The following FRS3 variants were observed in gnomAD, a reference collection of about 807,000 sequenced individuals.
FRS3 encodes the protein fibroblast growth factor receptor substrate 3.
In FRS3, 17 loss-of-function variants were observed where a neutral mutation model predicts 41.9. The observed-to-expected ratio is 0.41, with a 90% CI of 0.28 to 0.61. The LOEUF is 0.61. FRS3 is among the 20% of genes least tolerant of loss of function. The pLI is 0.36. For synonymous variants in FRS3, 287 were observed against 274.5 expected (o/e 1.05, Z -0.45); for missense variants, 619 against 672.1 (o/e 0.92, Z 0.87).
chr6:41,777,219 A>T (rs1436296603), intron 2 of FRS3, among the ~76,000 whole-genome samples: 1 of 152,246 alleles, frequency 6.6e-6, no homozygotes, highest in Admixed American at 6.5e-5. Context: ...TGTGTTAAGG[A>T]TGAATGCCGA....
chr6:41,771,066 C>G lies in FRS3; in HGVS notation c.1032G>C (p.Gly344=), dbSNP rs1289169521. The change falls in exon 7 of 7, where the codon GGG becomes GGC. Residue 344 remains glycine, a synonymous_variant. Transcript: ENST00000373018. ...SQAQQLGGEA[G]DDGDSRDGLT... ...GCCCATCCCTCGAGTCCCCATCATC[C>G]CCAGCCTCCCCTCCCAGCTGCTGGG... 2 of 1,603,868 alleles carry G rather than the reference C, an allele frequency of 1.2e-6. No homozygotes were observed. The highest frequency in any genetic ancestry group is 2.2e-5 in the South Asian group (2 of 90,382).
intron 6 of FRS3, 34 bp from the exon 7 acceptor site, chr6:41,771,567 C>A: frequency 6.8e-7 from 1 of 1,474,506 alleles, no homozygotes; most frequent in Non-Finnish European, 9.1e-7. Flanking sequence ...CAGGAGTGTC[C>A]CAGGGCAGGG....
intron 5 of FRS3, 31 bp downstream of exon 5, chr6:41,772,767 T>TGTGC: frequency 6.4e-7 from 1 of 1,566,748 alleles, no homozygotes; most frequent in Non-Finnish European, 8.7e-7. Flanking sequence ...TGTGTGTGTG[T>TGTGC]GTGTGTGTGT....
chr6:41,775,053 C>G (rs1053611967), intron 4 of FRS3, among the ~76,000 whole-genome samples: 5 of 152,190 alleles, frequency 3.3e-5, no homozygotes, highest in Non-Finnish European at 7.3e-5. Context: ...AACATGACCT[C>G]GGAGGCTCAC....
chr6:41,773,919 G>A (rs750857996), intron 4 of FRS3, among the ~76,000 whole-genome samples: 8 of 151,984 alleles, frequency 5.3e-5, no homozygotes, highest in Non-Finnish European at 1.5e-5. Flanking sequence ...AAAAGCCAAG[G>A]TGGAAAGGAT....
intron 3 of FRS3, chr6:41,776,635 G>T (rs9462744): frequency 6.9e-6 from 2 of 288,140 alleles, no homozygotes; most frequent in Non-Finnish European, 1.3e-5. Context: ...AAAAAAAAAA[G>T]GGGGGGGGAT....
Position 41,772,949 on chromosome 6 carries a change from T to C in FRS3, c.264A>G (p.Ala88=). ...TTTCCTCAGCCCGGGAACACTTAAA[T>C]GCAAATATTCCTGGAGAAGGAGAGG... is the stretch of plus-strand genomic sequence containing the variant. ...RRCQTGQGIF[A]FKCSRAEEIF... is the part of the protein sequence containing the mutation. The change falls in exon 5 of 7, where the codon GCA becomes GCG. Residue 88 remains alanine (A), a synonymous_variant. Transcript: ENST00000373018. 2 of 1,613,904 alleles carry C rather than the reference T, an allele frequency of 1.2e-6. No homozygotes were observed. Among genetic ancestry groups the C allele is most frequent in the Non-Finnish European group, 1.7e-6 (2 of 1,179,924 alleles).
intron 4 of FRS3, 74 bp from the exon 5 acceptor site, chr6:41,773,033 C>T: frequency 7.9e-7 from 1 of 1,260,130 alleles, no homozygotes; most frequent in Non-Finnish European, 1.2e-6. Context: ...GCACAATGTG[C>T]AGGAAATGTC....
chr6:41,772,107 C>A, intron 5 of FRS3, 143 bp from the exon 6 acceptor site: 1 of 629,790 alleles, frequency 1.6e-6, no homozygotes, highest in Non-Finnish European at 2.7e-6. Flanking sequence ...CCCACTGAGC[C>A]ACCAGCCCCC....
In FRS3 at chr6:41,771,869, G is replaced by A. The variant is rs1462002749; in HGVS notation, c.511C>T (p.His171Tyr). 6.4e-7 allele frequency: 1 copy of A among 1,553,506 alleles called. No homozygotes were observed. Among genetic ancestry groups the A allele is most frequent in the Non-Finnish European group, 8.7e-7 (1 of 1,148,036 alleles). ...PRRLSTSSLR[H>Y]PSLGEESTHA... ...GTGGACTCTTCCCCAAGCGAGGGGT[G>A]CCGCAGGCTGCTTGTCGAGAGCCGC... Residue 171 changes from histidine to tyrosine, a missense_variant, in exon 6 of 7, where the codon CAC becomes TAC. His to Tyr is a moderately conservative substitution (Grantham distance 83, BLOSUM62 2). Transcript: ENST00000373018.
rs1581974913 is a variant in FRS3 at position 41,779,854 on chromosome 6, G to A, written c.-206C>T. 6.8e-6 allele frequency: 1 copy of A among 146,150 alleles called. No individual in the cohort carries two copies. The highest frequency in any genetic ancestry group is 2.5e-5 in the African/African-American group (1 of 40,294). The allele number at this position is 146,150 out of a possible 1,614,324, so 9.1% of individuals were successfully genotyped here. A position where few individuals can be genotyped will look rare whatever the true frequency, so the allele number is the denominator to read the frequency against. On this transcript the variant is annotated 5_prime_UTR_variant, in exon 1 of 7. Transcript: ENST00000373018. ...CCGGGCGGCGCCGGGCCCCGCTCCC[G>A]GGTCCCGCTGCAGCAGCCGCCGCCC... is the stretch of plus-strand genomic sequence containing the variant.
chr6:41,771,115 A>G lies in FRS3; in HGVS notation c.983T>C (p.Leu328Pro), dbSNP rs201264124. The change falls in exon 7 of 7, where the codon CTG (leucine) becomes CCG (proline). Residue 328 changes from leucine (L) to proline (P), a missense_variant. By Grantham distance (98) the Leu-to-Pro change is moderately conservative. Transcript: ENST00000373018. Reference protein sequence around the residue: ...ALLHYENLPPLPPVWESQAQQ... With the variant: ...ALLHYENLPPPPPVWESQAQQ... ...GGCTTGGCTTTCCCACACAGGGGGC[A>G]GTGGGGGCAGGTTCTCATAGTGCAG... The G allele has an allele frequency of 1.3e-6, 2 of 1,581,242 alleles. No individual in the cohort carries two copies. The highest frequency in any genetic ancestry group is 2.7e-5 in the African/African-American group (2 of 74,340).
chr6:41,770,909 G>C lies in FRS3; in HGVS notation c.1189C>G (p.Pro397Ala), dbSNP rs774209432. 2 of 1,611,438 alleles carry C rather than the reference G, an allele frequency of 1.2e-6. No homozygotes were observed. The highest frequency in any genetic ancestry group is 1.1e-5 in the South Asian group (1 of 91,082). The change falls in exon 7 of 7, where the codon CCA (proline) becomes GCA (alanine). Residue 397 changes from proline (P) to alanine (A), a missense_variant. Pro to Ala is a conservative substitution (Grantham distance 27). Around this residue, in one of 3 missense-constraint regions of FRS3, gnomAD observed 487 missense variants for 478.3 expected, o/e 1.02. Coordinates refer to ENST00000373018, the MANE Select transcript of FRS3 (RefSeq NM_006653.5). The part of the protein sequence containing the change: ...PVPLTRRRGS[P>A]RVFNFDFRRP... ...CGGAAATCAAAGTTGAAGACCCTTG[G>C]GGAGCCGCGGCGGCGGGTCAGTGGC...
At chr6:41,774,098 C>T (rs1247269120) in intron 4 of FRS3, among the ~76,000 whole-genome samples, 10 of 151,884 alleles carry the variant, frequency 6.6e-5, no homozygotes, top group Non-Finnish European at 1.3e-4. Flanking sequence ...TACAGGTGCC[C>T]GCTACCATGC....
Position 41,770,969 on chromosome 6 carries a change from G to A in FRS3, c.1129C>T (p.Arg377Trp), listed in dbSNP as rs762000716. The change falls in exon 7 of 7, where the codon CGG (arginine) becomes TGG (tryptophan). Residue 377 changes from arginine to tryptophan, a missense_variant. Arg to Trp is a moderately radical substitution (Grantham distance 101). Coordinates refer to ENST00000373018, the MANE Select transcript of FRS3 (RefSeq NM_006653.5). ...CTGCCGTGGCTGCGGATGGCGGCCC[G>A]GGTGCTGGTGGGCTTCTGCAGTGGG... The part of the protein sequence containing the change: ...ETPLQKPTST[R>W]AAIRSHGSFP... 40 of 1,612,828 alleles carry A rather than the reference G, an allele frequency of 2.5e-5. No individual in the cohort carries two copies. The highest frequency in any genetic ancestry group is 2.4e-4 in the African/African-American group (18 of 74,932).
rs894404049 is a variant in FRS3 at position 41,770,401 on chromosome 6, C to T, written c.*218G>A. On this transcript the variant is annotated 3_prime_UTR_variant, in exon 7 of 7. Coordinates refer to ENST00000373018, the MANE Select transcript of FRS3 (RefSeq NM_006653.5). ...ACAGTTGACGTCTCGGCTCCCTCCT[C>T]GCCTGGTCACCCTTCTCTCCCCAGC... The T allele has an allele frequency of 4.0e-5, 24 of 596,278 alleles. No individual in the cohort carries two copies. The highest frequency in any genetic ancestry group is 7.2e-5 in the Non-Finnish European group (24 of 335,228). The allele number at this position is 596,278 out of a possible 1,614,324, so 36.9% of individuals were successfully genotyped here. A position where few individuals can be genotyped will look rare whatever the true frequency, so the allele number is the denominator to read the frequency against.
Position 41,771,423 on chromosome 6 carries a change from T to C in FRS3, c.675A>G (p.Gly225=), listed in dbSNP as rs45447496. ...GQAPFLPQAR[G]PDQRDPQVFL... Reference sequence around the variant, plus strand: ...ACACCTGTGGGTCCCGTTGGTCAGGTCCCCGGGCCTGCGGGAGGAAGGGTG... The same window carrying C: ...ACACCTGTGGGTCCCGTTGGTCAGGCCCCCGGGCCTGCGGGAGGAAGGGTG... Residue 225 remains glycine (G), a synonymous_variant, in exon 7 of 7, where the codon GGA becomes GGG. Coordinates refer to ENST00000373018, the MANE Select transcript of FRS3 (RefSeq NM_006653.5). 1.2e-6 allele frequency: 2 copies of C among 1,612,500 alleles called. No homozygotes were observed. Among genetic ancestry groups the C allele is most frequent in the Non-Finnish European group, 1.7e-6 (2 of 1,179,224 alleles).
chr6:41,773,754 C>A (rs1022145126), intron 4 of FRS3, among the ~76,000 whole-genome samples: 2 of 151,630 alleles, frequency 1.3e-5, no homozygotes, highest in African/African-American at 4.8e-5. Flanking sequence ...CACCTGTAAT[C>A]CCAACTACTC....
chr6:41,776,634 A>T, intron 3 of FRS3: 3 of 326,000 alleles, frequency 9.2e-6, no homozygotes, highest in East Asian at 5.3e-5. Context: ...TAAAAAAAAA[A>T]GGGGGGGGGA....
Sources: gnomAD v4.1 joint callset for allele counts (sites outside exome capture counted in the v4.1 genomes callset) on GRCh38, gnomAD v4.1.1 for gene constraint, gnomAD v4.1.1 regional missense constraint, MANE v1.5 for transcripts, NCBI Gene and HGNC (gene_info 2026-07-23, HGNC 2026-07-21) for gene names.